ZC3H11A: variants seen among roughly 807,000 people sequenced by gnomAD.
ZC3H11A encodes the protein zinc finger CCCH-type containing 11A.
Under a neutral mutation model 90.8 loss-of-function variants are expected in ZC3H11A, and 22 were observed. The observed-to-expected ratio is 0.24, with a 90% confidence interval of 0.17 to 0.35. ZC3H11A has a LOEUF of 0.35. Ranked by LOEUF, ZC3H11A falls within the 10% of genes least tolerant of loss-of-function variation. The pLI, the probability that ZC3H11A is intolerant of heterozygous loss-of-function variation, is 1.00. For missense variants in ZC3H11A, 701 were observed against 964.9 expected, an observed-to-expected ratio of 0.73 and a Z score of 3.62; for synonymous variants, 294 against 339.8, an observed-to-expected ratio of 0.87 and a Z score of 1.48.
intron 14 of ZC3H11A, 35 bp downstream of exon 14, chr1:203,848,442 G>A (rs747180755): frequency 2.0e-6 from 3 of 1,509,668 alleles, no homozygotes; most frequent in East Asian, 2.3e-5. Context: ...TTTGTTCATG[G>A]CAAACAAAGG....
rs758440225 is a variant in ZC3H11A at position 203,825,942 on chromosome 1, T to C, written c.175-2357T>C. ...TCAATTAGAAACAAAATCTAGCAAATGTATTAAACAGATCAAATAAATGTC... is the reference window on the plus strand; with the variant it reads ...TCAATTAGAAACAAAATCTAGCAAACGTATTAAACAGATCAAATAAATGTC... On this transcript the variant is annotated intron_variant, in intron 4 of 17. Transcript: ENST00000367210. Among the ~76,000 whole-genome samples the C allele has an allele frequency of 3.9e-5, 6 of 152,306 alleles. No homozygotes were observed. The South Asian group carries it at 1.2e-3, about 32-fold the overall frequency.
chr1:203,847,325 C>G lies in ZC3H11A; in HGVS notation c.1184C>G (p.Ala395Gly), dbSNP rs781570408. The change falls in exon 13 of 18, where the codon GCA becomes GGA. Residue 395 changes from alanine to glycine, a missense_variant. Ala to Gly is a moderately conservative substitution (Grantham distance 60, BLOSUM62 0). Transcript: ENST00000367210. ...PSKTDDSTSG[A>G]RSSSTIRIKT... Reference sequence around the variant, plus strand: ...AAAACTGATGATTCTACTTCAGGAGCAAGAAGCTCCTCCACTATCCGTATC... The same window carrying G: ...AAAACTGATGATTCTACTTCAGGAGGAAGAAGCTCCTCCACTATCCGTATC... 2 of 1,613,628 alleles carry G rather than the reference C, an allele frequency of 1.2e-6. No individual in the cohort carries two copies. Among genetic ancestry groups the G allele is most frequent in the Admixed American group, 3.3e-5 (2 of 59,958 alleles).
intron 1 of ZC3H11A, chr1:203,798,837 A>G: frequency 6.5e-7 from 1 of 1,536,156 alleles, no homozygotes; most frequent in Non-Finnish European, 8.7e-7. Context: ...GTTCATGCAG[A>G]TTGTGGCCCC....
intron 4 of ZC3H11A, among the ~76,000 whole-genome samples, chr1:203,820,487 T>TG (rs1553263519): frequency 6.6e-6 from 1 of 152,052 alleles, no homozygotes; most frequent in East Asian, 1.9e-4. Flanking sequence ...TGTGTGTATA[T>TG]TTTGAGTTGA....
chr1:203,812,754 G>A (rs1674950242), intron 2 of ZC3H11A, among the ~76,000 whole-genome samples: 1 of 151,606 alleles, frequency 6.6e-6, no homozygotes, highest in African/African-American at 2.4e-5. Flanking sequence ...GCTAATTTTT[G>A]TATTTTTAGT....
At chr1:203,848,440 T>C in intron 14 of ZC3H11A, 33 bp downstream of exon 14, 1 of 1,549,776 alleles carries the variant, frequency 6.5e-7, no homozygotes, top group African/African-American at 1.4e-5. Flanking sequence ...GTTTTGTTCA[T>C]GGCAAACAAA....
At chr1:203,840,674 C>T (rs1343348082) in intron 12 of ZC3H11A, among the ~76,000 whole-genome samples, 1 of 151,150 alleles carries the variant, frequency 6.6e-6, no homozygotes, top group Non-Finnish European at 1.5e-5. Flanking sequence ...GCTCTTGTTG[C>T]CCAGGCTGGA....
intron 2 of ZC3H11A, among the ~76,000 whole-genome samples, chr1:203,808,651 G>C (rs969268644): frequency 6.6e-6 from 1 of 152,078 alleles, no homozygotes; most frequent in East Asian, 1.9e-4. Flanking sequence ...GTTTGGATTC[G>C]TGGAGATGTC....
intron 12 of ZC3H11A, among the ~76,000 whole-genome samples, chr1:203,844,989 C>T (rs527614128): frequency 5.5e-4 from 84 of 152,186 alleles, no homozygotes; most frequent in Non-Finnish European, 1.0e-3. Flanking sequence ...CCCAACTGTT[C>T]TATAGGCAGT....
chr1:203,828,035 CTAAAT>C (rs146044176), intron 4 of ZC3H11A, among the ~76,000 whole-genome samples: 17,009 of 152,114 alleles, frequency 0.11, 1,312 homozygotes, highest in Admixed American at 0.24. Flanking sequence ...TCCTGCTTCT[CTAAAT>C]TAAGTGTAGA....
chr1:203,801,713 A>C lies in ZC3H11A; in HGVS notation c.-1449A>C, dbSNP rs1271121618. Reference sequence around the variant, plus strand: ...TTTGGCAAGATTTAGCCTAGAAATTATGTAGTATTTATTACATAAGAATCA... The same window carrying C: ...TTTGGCAAGATTTAGCCTAGAAATTCTGTAGTATTTATTACATAAGAATCA... On this transcript the variant is annotated 5_prime_UTR_variant, in exon 2 of 18. It removes an upstream start codon present in the reference 5' UTR. Coordinates refer to ENST00000367210, the MANE Select transcript of ZC3H11A (RefSeq NM_001376342.1). 1 of 152,492 alleles carries C rather than the reference A, an allele frequency of 6.6e-6. No homozygotes were observed. The highest frequency in any genetic ancestry group is 1.5e-5 in the Non-Finnish European group (1 of 67,990). The allele number at this position is 152,492 out of a possible 1,614,324, so 9.4% of individuals were successfully genotyped here. A position where few individuals can be genotyped will look rare whatever the true frequency, so the allele number is the denominator to read the frequency against.
Position 203,848,394 on chromosome 1 carries a change from C to A in ZC3H11A, c.1610C>A (p.Thr537Lys). 6.2e-7 allele frequency: 1 copy of A among 1,609,908 alleles called. No individual in the cohort carries two copies. Among genetic ancestry groups the A allele is most frequent in the South Asian group, 1.1e-5 (1 of 89,886 alleles). The change falls in exon 14 of 18, where the codon ACA (threonine) becomes AAA (lysine). Residue 537 changes from threonine (T) to lysine (K), a missense_variant. Around this residue, in one of 4 missense-constraint regions of ZC3H11A, gnomAD observed 530 missense variants for 696.2 expected, o/e 0.76. Coordinates refer to ENST00000367210, the MANE Select transcript of ZC3H11A (RefSeq NM_001376342.1). ...GTTGATTCTCAGAGCAGTATTAGAA[C>A]AGAAGCTAAAGAGGTAAATTTAAGA... is the stretch of plus-strand genomic sequence containing the variant. ...NEVDSQSSIR[T>K]EAKEASGETT...
Position 203,830,324 on chromosome 1 carries a change from TA to T in ZC3H11A, c.700+125del, listed in dbSNP as rs1572178082. The T allele has an allele frequency of 1.2e-5, 9 of 763,772 alleles. No individual in the cohort carries two copies. The East Asian group carries it at 2.3e-4, about 20-fold the overall frequency. The allele number at this position is 763,772 out of a possible 1,614,324, so 47.3% of individuals were successfully genotyped here. On this transcript the variant is annotated intron_variant, in intron 8 of 17. Coordinates refer to ENST00000367210, the MANE Select transcript of ZC3H11A (RefSeq NM_001376342.1). ...TTTCATTTCCATGGCCTGTTTGAAG[TA>T]AAACACAGACTTATTTAAATTGTGG...
Position 203,804,780 on chromosome 1 carries a change from C to G in ZC3H11A, c.-146+1764C>G, listed in dbSNP as rs1427980272. ...CTCTGCCTTCCAGGTTCAAGTGATT[C>G]TTCTGTCTCAGCCTCCCAAGTAGCT... On this transcript the variant is annotated intron_variant, in intron 2 of 17. Coordinates refer to ENST00000367210, the MANE Select transcript of ZC3H11A (RefSeq NM_001376342.1). Among the ~76,000 whole-genome samples the G allele has an allele frequency of 2.7e-5, 4 of 149,868 alleles. No homozygotes were observed. The East Asian group carries it at 6.0e-4, about 22-fold the overall frequency.
chr1:203,816,393 G>T (rs1676386569), intron 2 of ZC3H11A, among the ~76,000 whole-genome samples: 1 of 152,330 alleles, frequency 6.6e-6, no homozygotes, highest in Middle Eastern at 3.4e-3. Flanking sequence ...GGGAGGCCAA[G>T]TGAGGAGGAT....
chr1:203,826,063 C>G (rs1680415524), intron 4 of ZC3H11A, among the ~76,000 whole-genome samples: 2 of 152,004 alleles, frequency 1.3e-5, no homozygotes, highest in South Asian at 4.1e-4. Context: ...CAAAGGTAGG[C>G]TTAGGAACAA....
intron 14 of ZC3H11A, 62 bp downstream of exon 14, chr1:203,848,469 T>G (rs2103419441): frequency 2.0e-5 from 26 of 1,279,618 alleles, no homozygotes; most frequent in South Asian, 2.6e-5. Context: ...AATTGGTAGT[T>G]TTACCTTACA....
chr1:203,841,638 C>A (rs1039940516), intron 12 of ZC3H11A, among the ~76,000 whole-genome samples: 9 of 152,244 alleles, frequency 5.9e-5, no homozygotes, highest in Non-Finnish European at 1.2e-4. Context: ...CCGCCTTTGT[C>A]ATCATGGCCC....
intron 16 of ZC3H11A, 113 bp downstream of exon 16, chr1:203,850,794 C>CTAA: frequency 1.4e-6 from 2 of 1,421,548 alleles, no homozygotes. Context: ...CATTTCCTAG[C>CTAA]ATTTTAGTAA....
Sources: allele counts gnomAD v4.1 joint callset (sites outside exome capture counted in the v4.1 genomes callset), GRCh38; gene constraint gnomAD v4.1.1; regional missense constraint gnomAD v4.1.1; transcripts MANE v1.5; gene names NCBI Gene and HGNC (gene_info 2026-07-23, HGNC 2026-07-21).